CDCA7L: variants seen among roughly 807,000 people sequenced by gnomAD.
The protein encoded by CDCA7L is cell division cycle associated 7 like.
A neutral mutation model predicts 57.4 loss-of-function variants in CDCA7L; 44 were observed. The ratio of observed to expected loss-of-function variants is 0.77; its 90% CI spans 0.60 to 0.98. The LOEUF is 0.98. Among genes scored for constraint, CDCA7L ranks in the 50% least tolerant of loss-of-function variants. The probability of loss-of-function intolerance (pLI) is 0.00; values close to 1 mark genes in which losing one functional copy is unlikely to be tolerated. For missense variants in CDCA7L, 644 were observed against 580.6 expected (o/e 1.11, Z -1.12); for synonymous variants, 236 against 202.8 (o/e 1.16, Z -1.39).
chr7:21,902,005 G>GTTTTCTCTCTAACTTA lies in CDCA7L; in HGVS notation c.*301_*316dup. The GTTTTCTCTCTAACTTA allele has an allele frequency of 2.8e-6, 1 of 357,036 alleles. No individual in the cohort carries two copies. The highest frequency in any genetic ancestry group is 5.2e-6 in the Non-Finnish European group (1 of 191,424). 22.1% of individuals were successfully genotyped at this position (357,036 alleles called of 1,614,324 possible). Reference sequence around the variant, plus strand: ...CAAGTGCAGGAGCTGATCATACAATGTTTTCTCTCTAACTTACTTACCTGA... The same window carrying GTTTTCTCTCTAACTTA: ...CAAGTGCAGGAGCTGATCATACAATGTTTTCTCTCTAACTTATTTTCTCTCTAACTTACTTACCTGA... On this transcript the variant is annotated 3_prime_UTR_variant, in exon 10 of 10. Coordinates refer to ENST00000406877, the MANE Select transcript of CDCA7L (RefSeq NM_018719.5).
At position 21,904,093 on chromosome 7, in the gene CDCA7L, G is replaced by GCAAA. The variant is rs753996068; in HGVS notation, c.1197+13_1197+16dup. 12 of 1,567,354 alleles carry GCAAA rather than the reference G, an allele frequency of 7.7e-6. No homozygotes were observed. Among genetic ancestry groups the GCAAA allele is most frequent in the African/African-American group, 5.4e-5 (4 of 73,630 alleles). Reference sequence around the variant, plus strand: ...TTCACCAATACAATTTACAACAAATGCAAACACTGTTCCTACCGGGTCCAG... The same window carrying GCAAA: ...TTCACCAATACAATTTACAACAAATGCAAACAAACACTGTTCCTACCGGGTCCAG... On this transcript the variant is annotated intron_variant, in intron 8 of 9. Coordinates refer to ENST00000406877, the MANE Select transcript of CDCA7L (RefSeq NM_018719.5).
intron 1 of CDCA7L, among the ~76,000 whole-genome samples, chr7:21,938,647 C>A (rs1294643411): frequency 1.3e-5 from 2 of 152,076 alleles, no homozygotes; most frequent in African/African-American, 2.4e-5. Context: ...GTGGAAACAA[C>A]CGACAACATA....
At position 21,901,151 on chromosome 7, in the gene CDCA7L, C is replaced by G; in HGVS notation, c.*1171G>C. 1 of 1,612,988 alleles carries G rather than the reference C, an allele frequency of 6.2e-7. No homozygotes were observed. The highest frequency in any genetic ancestry group is 1.1e-5 in the South Asian group (1 of 91,066). ...ACCTACGAGTGCCCTGTGTATAGAA[C>G]CAAACTGAGAGGCCCCAGCTACATC... On this transcript the variant is annotated 3_prime_UTR_variant, in exon 10 of 10. Transcript: ENST00000406877.
At chr7:21,919,139 T>A (rs1191160570) in intron 1 of CDCA7L, among the ~76,000 whole-genome samples, 1 of 152,180 alleles carries the variant, frequency 6.6e-6, no homozygotes, top group Non-Finnish European at 1.5e-5. Context: ...CATTAGGGAC[T>A]GCAAAAGAGA....
At chr7:21,905,674 G>C in intron 6 of CDCA7L, 43 bp from the exon 7 acceptor site, 1 of 1,577,770 alleles carries the variant, frequency 6.3e-7, no homozygotes, top group Non-Finnish European at 8.6e-7. Context: ...GTGTTGAGCA[G>C]TTATAAAAAA....
At chr7:21,926,819 G>T (rs980585057) in intron 1 of CDCA7L, among the ~76,000 whole-genome samples, 4 of 152,208 alleles carry the variant, frequency 2.6e-5, no homozygotes, top group Non-Finnish European at 5.9e-5. Context: ...GCTGCAGTGA[G>T]CTGTGATCAA....
At chr7:21,937,551 T>C (rs573252201) in intron 1 of CDCA7L, among the ~76,000 whole-genome samples, 84 of 151,830 alleles carry the variant, frequency 5.5e-4, no homozygotes, top group Non-Finnish European at 9.4e-4. Context: ...GGCAGGAGAA[T>C]TGCTTGAACC....
chr7:21,927,701 C>A (rs1360551929), intron 1 of CDCA7L, among the ~76,000 whole-genome samples: 1 of 152,150 alleles, frequency 6.6e-6, no homozygotes, highest in Non-Finnish European at 1.5e-5. Context: ...TAGGACAACT[C>A]GGAAGAGGTC....
At chr7:21,918,667 CTT>C (rs1250991540) in intron 1 of CDCA7L, among the ~76,000 whole-genome samples, 1 of 151,794 alleles carries the variant, frequency 6.6e-6, no homozygotes, top group African/African-American at 2.4e-5. Context: ...AATCCGGAGG[CTT>C]TACTTCTAGT....
Position 21,905,574 on chromosome 7 carries a change from C to T in CDCA7L, c.979G>A (p.Asp327Asn), listed in dbSNP as rs1241259754. ...HRISSFRPVE[D>N]ITEEDLENVA... ...TTTTCTAAGTCCTCTTCGGTGATAT[C>T]CTCCACTGGCCGAAAAGAAGATATA... Residue 327 changes from aspartate to asparagine, a missense_variant, in exon 7 of 10, where the codon GAT becomes AAT. By Grantham distance (23) the Asp-to-Asn change is conservative. Transcript: ENST00000406877. 2 of 1,614,024 alleles carry T rather than the reference C, an allele frequency of 1.2e-6. No individual in the cohort carries two copies. Among genetic ancestry groups the T allele is most frequent in the East Asian group, 2.2e-5 (1 of 44,892 alleles).
At chr7:21,925,194 T>C (rs1785784823) in intron 1 of CDCA7L, among the ~76,000 whole-genome samples, 1 of 152,016 alleles carries the variant, frequency 6.6e-6, no homozygotes, top group Non-Finnish European at 1.5e-5. Flanking sequence ...ATATATACCA[T>C]GGCCACACAG....
intron 2 of CDCA7L, among the ~76,000 whole-genome samples, chr7:21,912,300 A>T (rs1390382213): frequency 6.6e-6 from 1 of 152,064 alleles, no homozygotes; most frequent in East Asian, 1.9e-4. Flanking sequence ...TCTCAAAAAA[A>T]CCCGCATACG....
At position 21,918,073 on chromosome 7, in the gene CDCA7L, G is replaced by C. The variant is rs145033395; in HGVS notation, c.25-1179C>G. Reference sequence around the variant, plus strand: ...TGAGCTTATCTGAGTGTTTCCTCATGATTAGATTCAGGTTATGTATTTTTG... The same window carrying C: ...TGAGCTTATCTGAGTGTTTCCTCATCATTAGATTCAGGTTATGTATTTTTG... On this transcript the variant is annotated intron_variant, in intron 1 of 9. Transcript: ENST00000406877. Among the ~76,000 whole-genome samples the C allele has an allele frequency of 3.3e-3, 506 of 152,238 alleles. 4 individuals carry two copies. The highest frequency in any genetic ancestry group is 0.01 in the African/African-American group (435 of 41,530).
intron 1 of CDCA7L, among the ~76,000 whole-genome samples, chr7:21,917,188 T>G (rs1030395691): frequency 6.6e-6 from 1 of 152,156 alleles, no homozygotes; most frequent in African/African-American, 2.4e-5. Context: ...AAAGAAAAAT[T>G]GTTTCTAAGA....
rs186943620 is a variant in CDCA7L, at chr7:21,937,800, A to T, written c.24+7981T>A. 6.6e-4 allele frequency among the ~76,000 whole-genome samples: 100 copies of T among 152,358 alleles called. 1 individual carries two copies. Among genetic ancestry groups the T allele is most frequent in the Middle Eastern group, 3.4e-3 (1 of 294 alleles). On this transcript the variant is annotated intron_variant, in intron 1 of 9. Transcript: ENST00000406877. Reference sequence around the variant, plus strand: ...AAAGAGCCCAGATACAAACCCTTGCATATACAGTTAACTAATTTTCAACAA... The same window carrying T: ...AAAGAGCCCAGATACAAACCCTTGCTTATACAGTTAACTAATTTTCAACAA...
At chr7:21,936,921 A>T (rs1290968682) in intron 1 of CDCA7L, among the ~76,000 whole-genome samples, 2 of 152,234 alleles carry the variant, frequency 1.3e-5, no homozygotes, top group Non-Finnish European at 2.9e-5. Context: ...AACACTAGAG[A>T]TTACACAAAA....
Position 21,901,386 on chromosome 7 carries a change from C to G in CDCA7L, c.*936G>C. On this transcript the variant is annotated 3_prime_UTR_variant, in exon 10 of 10. Coordinates refer to ENST00000406877, the MANE Select transcript of CDCA7L (RefSeq NM_018719.5). ...CGTGCATTCTTTTTTCAACGCTATC[C>G]TTAGAGTGAAAGTCAGAAAAAAATA... is the stretch of plus-strand genomic sequence containing the variant. 5 of 1,273,292 alleles carry G rather than the reference C, an allele frequency of 3.9e-6. No individual in the cohort carries two copies. Among genetic ancestry groups the G allele is most frequent in the Non-Finnish European group, 5.1e-6 (5 of 983,156 alleles). The allele number at this position is 1,273,292 out of a possible 1,614,324, so 78.9% of individuals were successfully genotyped here. A position where few individuals can be genotyped will look rare whatever the true frequency, so the allele number is the denominator to read the frequency against.
At position 21,902,955 on chromosome 7, in the gene CDCA7L, T is replaced by A; in HGVS notation, c.1334+23A>T. ...AGCCTCAAGATTTCAAGCTGTTTTG[T>A]AAGCTGCTAGAGACTTACTTACCTC... On this transcript the variant is annotated intron_variant, in intron 9 of 9. Transcript: ENST00000406877. 4 of 1,608,010 alleles carry A rather than the reference T, an allele frequency of 2.5e-6. No individual in the cohort carries two copies. In the African/African-American group the frequency reaches 5.3e-5, roughly 21 times the overall value.
At chr7:21,906,207 C>T in intron 6 of CDCA7L, 82 bp downstream of exon 6, 1 of 1,392,220 alleles carries the variant, frequency 7.2e-7, no homozygotes, top group Non-Finnish European at 9.8e-7. Flanking sequence ...AGAACCAGCC[C>T]TGGGGTGACA....
Sources: allele counts gnomAD v4.1 joint callset (sites outside exome capture counted in the v4.1 genomes callset), GRCh38; gene constraint gnomAD v4.1.1; transcripts MANE v1.5; gene names NCBI Gene and HGNC (gene_info 2026-07-23, HGNC 2026-07-21).